MYH7: variants seen among roughly 807,000 people sequenced by gnomAD.
MYH7 encodes myosin heavy chain 7, also known as myosin-7.
In MYH7, 129 loss-of-function variants were observed where a neutral mutation model predicts 225.4. The observed-to-expected ratio is 0.57, with a 90% CI of 0.50 to 0.66. The LOEUF is 0.66. Among genes scored for constraint, MYH7 ranks in the 30% least tolerant of loss-of-function variants. The pLI is 0.00. For missense variants in MYH7, 1,649 were observed against 2,517.0 expected (o/e 0.66, Z 7.38); for synonymous variants, 971 against 1,007.6 (o/e 0.96, Z 0.69).
Position 23,429,250 on chromosome 14 carries a change from G to A in MYH7, c.1236C>T (p.Thr412=). ...CCACCTGCTGGACATTCTGCCCCTT[G>A]GTGACGTACTCATTGCCCACTTTCA... ...PRVKVGNEYV[T]KGQNVQQVIY... is the part of the protein sequence containing the mutation. Residue 412 remains threonine, a synonymous_variant, in exon 13 of 40, where the codon ACC becomes ACT. Transcript: ENST00000355349. The A allele has an allele frequency of 6.2e-7, 1 of 1,614,170 alleles. No homozygotes were observed. Among genetic ancestry groups the A allele is most frequent in the Non-Finnish European group, 8.5e-7 (1 of 1,180,018 alleles).
rs114044529 is a variant in MYH7, at chr14:23,425,475, G to A, written c.2287-57C>T. The stretch of plus-strand genomic sequence containing the variant: ...GGGAGGGGTACGAGGGAAAGAGATG[G>A]TGGGGATTACCTTAGGAAGGGTAAC... On this transcript the variant is annotated intron_variant, in intron 20 of 39. Transcript: ENST00000355349. The surrounding 1 kb of genome is among the most constrained non-coding windows in gnomAD (Gnocchi z 4.6). 291 of 1,612,996 alleles carry A rather than the reference G, an allele frequency of 1.8e-4. 1 individual carries two copies. In the African/African-American group the frequency reaches 3.7e-3, roughly 20 times the overall value.
At chr14:23,427,554 C>T (rs1892741573) in intron 16 of MYH7, 31 bp downstream of exon 16, 5 of 1,612,364 alleles carry the variant, frequency 3.1e-6, no homozygotes, top group African/African-American at 1.3e-5. Flanking sequence ...ATCCCTGCTC[C>T]TCTGTACCGG....
At position 23,416,985 on chromosome 14, in the gene MYH7, G is replaced by T. The variant is rs781223723; in HGVS notation, c.4527C>A (p.Ile1509=). Residue 1509 remains isoleucine (I), a synonymous_variant, in exon 33 of 40, where the codon ATC becomes ATA. Transcript: ENST00000355349. ...AACCCAACTGCTCAGTCAAGTCGGAGATCTCCTCTGTGTGGGGAACACGGT... is the reference window on the plus strand; with the variant it reads ...AACCCAACTGCTCAGTCAAGTCGGATATCTCCTCTGTGTGGGGAACACGGT... The part of the protein sequence containing the change: ...KRENKNLQEE[I]SDLTEQLGSS... 1 of 1,614,250 alleles carries T rather than the reference G, an allele frequency of 6.2e-7. No individual in the cohort carries two copies. The highest frequency in any genetic ancestry group is 1.1e-5 in the South Asian group (1 of 91,088).
intron 22 of MYH7, among the ~76,000 whole-genome samples, chr14:23,424,436 T>C (rs907812127): frequency 2.6e-5 from 4 of 152,210 alleles, no homozygotes; most frequent in Non-Finnish European, 5.9e-5. Context: ...CAAGCACTTA[T>C]GTATGATGGC....
rs747654335 is a variant in MYH7 at position 23,428,496 on chromosome 14, G to A, written c.1578+4C>T. ...GAATTCAGGTGGTAAGGCCAAAGAG[G>A]CACCTTCTCGATGAGGTCAATGCAG... On this transcript the variant is annotated splice_donor_region_variant and intron_variant, in intron 15 of 39. Transcript: ENST00000355349. 5 of 1,614,044 alleles carry A rather than the reference G, an allele frequency of 3.1e-6. No homozygotes were observed. Among genetic ancestry groups the A allele is most frequent in the Non-Finnish European group, 4.2e-6 (5 of 1,180,048 alleles).
At chr14:23,429,999 G>C in intron 11 of MYH7, 86 bp from the exon 12 acceptor site, 2 of 1,518,194 alleles carry the variant, frequency 1.3e-6, no homozygotes, top group Non-Finnish European at 1.8e-6. Context: ...GAGAAAACTT[G>C]TCTCCTTAAT....
In MYH7 at chr14:23,417,581, G is replaced by A. The variant is rs57680382; in HGVS notation, c.4275C>T (p.Ile1425=). 1.4e-5 allele frequency: 23 copies of A among 1,612,470 alleles called. No individual in the cohort carries two copies. Among genetic ancestry groups the A allele is most frequent in the East Asian group, 6.7e-5 (3 of 44,882 alleles). The part of the protein sequence containing the change: ...EKTKHRLQNE[I]EDLMVDVERS... ...GCTCTACGTCCACCATCAAGTCCTC[G>A]ATCTCATTCTGTAGCCGGTGCTTGG... is the stretch of plus-strand genomic sequence containing the variant. The change falls in exon 31 of 40, where the codon ATC becomes ATT. Residue 1425 remains isoleucine, a synonymous_variant. Coordinates refer to ENST00000355349, the MANE Select transcript of MYH7 (RefSeq NM_000257.4).
intron 15 of MYH7, 100 bp from the exon 16 acceptor site, chr14:23,427,994 G>T: frequency 6.8e-7 from 1 of 1,461,230 alleles, no homozygotes; most frequent in South Asian, 1.2e-5. Flanking sequence ...TGCCATGTTG[G>T]GTGTTAAGGT....
rs781371160 is a variant in MYH7 at position 23,425,260 on chromosome 14, A to G, written c.2423+22T>C. 26 of 1,613,690 alleles carry G rather than the reference A, an allele frequency of 1.6e-5. No individual in the cohort carries two copies. The highest frequency in any genetic ancestry group is 2.7e-5 in the African/African-American group (2 of 74,780). On this transcript the variant is annotated intron_variant, in intron 21 of 39. Coordinates refer to ENST00000355349, the MANE Select transcript of MYH7 (RefSeq NM_000257.4). This position sits in a 1 kb window ranked among gnomAD's most constrained non-coding sequence, Gnocchi z 4.6. Reference sequence around the variant, plus strand: ...AGCCTGGGCCTCAGAGAAGCGGGAAACCTCCTCTTGAGATCTCTCACCTAC... The same window carrying G: ...AGCCTGGGCCTCAGAGAAGCGGGAAGCCTCCTCTTGAGATCTCTCACCTAC...
chr14:23,431,880 A>C lies in MYH7; in HGVS notation c.531-11T>G. The C allele has an allele frequency of 6.2e-7, 1 of 1,613,550 alleles. No homozygotes were observed. Among genetic ancestry groups the C allele is most frequent in the South Asian group, 1.1e-5 (1 of 91,062 alleles). On this transcript the variant is annotated splice_polypyrimidine_tract_variant and intron_variant, in intron 6 of 39. Transcript: ENST00000355349. Reference sequence around the variant, plus strand: ...GCTCCGGATTCTCCGCTGTGAAGACAGGGGCTTATTGGGCAGTGAACAATA... The same window carrying C: ...GCTCCGGATTCTCCGCTGTGAAGACCGGGGCTTATTGGGCAGTGAACAATA...
chr14:23,415,964 C>T lies in MYH7; in HGVS notation c.4953+40G>A, dbSNP rs772521188. 19 of 1,613,880 alleles carry T rather than the reference C, an allele frequency of 1.2e-5. No homozygotes were observed. In the East Asian group the frequency reaches 1.3e-4, roughly 11 times the overall value. ...TGCCTGTATCAAGACACTACTGCTTCGCCAGGCCACGTGGAGGCCAGTCCC... is the reference window on the plus strand; with the variant it reads ...TGCCTGTATCAAGACACTACTGCTTTGCCAGGCCACGTGGAGGCCAGTCCC... On this transcript the variant is annotated intron_variant, in intron 34 of 39. Transcript: ENST00000355349. This position sits in a 1 kb window ranked among gnomAD's most constrained non-coding sequence, Gnocchi z 6.3.
Position 23,433,101 on chromosome 14 carries a change from C to A in MYH7, c.328G>T (p.Gly110Cys), listed in dbSNP as rs763893822. ...AVLYNLKDRYGSWMIYTYSGL... is the reference protein window; with the variant it reads ...AVLYNLKDRYCSWMIYTYSGL... ...GCACTCACGTAGATCATCCAGGAGCCGTAGCGATCCTTGAGGTTGTAGAGC... is the reference window on the plus strand; with the variant it reads ...GCACTCACGTAGATCATCCAGGAGCAGTAGCGATCCTTGAGGTTGTAGAGC... The change falls in exon 4 of 40, where the codon GGC becomes TGC. Residue 110 changes from glycine to cysteine, a missense_variant. By Grantham distance (159) the Gly-to-Cys change is radical (BLOSUM62 -3). Around this residue, in one of 12 missense-constraint regions of MYH7, gnomAD observed 77 missense variants for 144.0 expected, o/e 0.53. Transcript: ENST00000355349. This position sits in a 1 kb window ranked among gnomAD's most constrained non-coding sequence, Gnocchi z 4.1. 6.2e-7 allele frequency: 1 copy of A among 1,614,088 alleles called. No individual in the cohort carries two copies. Among genetic ancestry groups the A allele is most frequent in the Non-Finnish European group, 8.5e-7 (1 of 1,180,004 alleles).
chr14:23,431,147 A>C, intron 9 of MYH7, 148 bp from the exon 10 acceptor site: 2 of 715,728 alleles, frequency 2.8e-6, no homozygotes, highest in Non-Finnish European at 2.4e-6. Context: ...TCACACAGAG[A>C]GATGGAAACA....
At chr14:23,427,932 A>G (rs1892761435) in intron 15 of MYH7, 38 bp from the exon 16 acceptor site, 1 of 1,611,556 alleles carries the variant, frequency 6.2e-7, no homozygotes, top group Admixed American at 1.7e-5. Context: ...AGTGTCCTTC[A>G]CACAGGTGGA....
Position 23,413,751 on chromosome 14 carries a change from G to A in MYH7, c.5790+8C>T. On this transcript the variant is annotated splice_region_variant and intron_variant, in intron 39 of 39. Coordinates refer to ENST00000355349, the MANE Select transcript of MYH7 (RefSeq NM_000257.4). ...GGGTGACTAGCAAAGCCCAAAAGAG[G>A]GACCCACCTTCGTGCCAATGTCACG... is the stretch of plus-strand genomic sequence containing the variant. 6.2e-7 allele frequency: 1 copy of A among 1,613,778 alleles called. No individual in the cohort carries two copies. Among genetic ancestry groups the A allele is most frequent in the Middle Eastern group, 1.7e-4 (1 of 5,716 alleles).
chr14:23,419,369 C>T, intron 28 of MYH7, 74 bp from the exon 29 acceptor site: 2 of 1,612,760 alleles, frequency 1.2e-6, no homozygotes, highest in Non-Finnish European at 1.7e-6. Context: ...GCCCCATTTT[C>T]TGGAGAGACT....
chr14:23,413,785 C>T lies in MYH7; in HGVS notation c.5764G>A (p.Ala1922Thr). 6.2e-7 allele frequency: 1 copy of T among 1,614,230 alleles called. No individual in the cohort carries two copies. Among genetic ancestry groups the T allele is most frequent in the South Asian group, 1.1e-5 (1 of 91,080 alleles). ...IAESQVNKLR[A>T]KSRDIGTKGL... Reference sequence around the variant, plus strand: ...TTCGTGCCAATGTCACGGCTCTTGGCCCGCAGCTTGTTGACCTGGGACTCG... The same window carrying T: ...TTCGTGCCAATGTCACGGCTCTTGGTCCGCAGCTTGTTGACCTGGGACTCG... Residue 1922 changes from alanine to threonine, a missense_variant, in exon 39 of 40, where the codon GCC (alanine) becomes ACC (threonine). Transcript: ENST00000355349.
At chr14:23,413,614 C>G (rs1180692070) in intron 39 of MYH7, 145 bp downstream of exon 39, 2 of 998,190 alleles carry the variant, frequency 2.0e-6, no homozygotes, top group Non-Finnish European at 2.9e-6. Flanking sequence ...CTTGAAATCA[C>G]AGAGAACTGC....
rs1892586093 is a variant in MYH7, at chr14:23,423,928, C to T, written c.2901G>A (p.Glu967=). Residue 967 remains glutamate, a synonymous_variant, in exon 23 of 40, where the codon GAG becomes GAA. Transcript: ENST00000355349. The stretch of plus-strand genomic sequence containing the variant: ...TTACCTTGTTCTCTGTTGCGTGTTT[C>T]TCCTTCTCCACTTTGGCCAGTGTCA... ...LELTLAKVEK[E]KHATENKVKN... is the part of the protein sequence containing the mutation. 2 of 1,614,008 alleles carry T rather than the reference C, an allele frequency of 1.2e-6. No individual in the cohort carries two copies. The highest frequency in any genetic ancestry group is 2.2e-5 in the South Asian group (2 of 91,088).
Sources: gnomAD v4.1 joint callset for allele counts (sites outside exome capture counted in the v4.1 genomes callset) on GRCh38, gnomAD v4.1.1 for gene constraint, gnomAD v4.1.1 regional missense constraint, Gnocchi (gnomAD v3.1) non-coding constraint, MANE v1.5 for transcripts, NCBI Gene and HGNC (gene_info 2026-07-23, HGNC 2026-07-21) for gene names.